The following OR10G3 variants were observed in gnomAD, a reference collection of about 807,000 sequenced individuals.
OR10G3 encodes olfactory receptor 10G3.
OR10G3 carries 8 observed loss-of-function variants against 13.4 expected under a neutral mutation model. The observed-to-expected ratio is 0.60, with a 90% CI of 0.35 to 1.08. The LOEUF is 1.08. Among genes scored for constraint, OR10G3 ranks in the 50% least tolerant of loss-of-function variants. OR10G3 has a pLI of 0.02. For synonymous variants in OR10G3, 142 were observed against 156.1 expected (o/e 0.91, Z 0.67); for missense variants, 393 against 386.6 (o/e 1.02, Z -0.14).
intron 1 of OR10G3, among the ~76,000 whole-genome samples, chr14:21,577,291 A>G (rs1876768146): frequency 6.6e-6 from 1 of 152,166 alleles, no homozygotes; most frequent in Non-Finnish European, 1.5e-5. Flanking sequence ...ACCTCCGGGG[A>G]CCAGAGTGAT....
intron 1 of OR10G3, among the ~76,000 whole-genome samples, chr14:21,576,443 C>A (rs1027374519): frequency 6.6e-6 from 1 of 152,144 alleles, no homozygotes; most frequent in South Asian, 2.1e-4. Flanking sequence ...GTGAACTACA[C>A]CTGGTAAATC....
At chr14:21,573,736 G>A in intron 1 of OR10G3, among the ~76,000 whole-genome samples, 1 of 151,536 alleles carries the variant, frequency 6.6e-6, no homozygotes, top group Non-Finnish European at 1.5e-5. Flanking sequence ...CTATTGAACA[G>A]CATGGTGACC....
In OR10G3 at chr14:21,569,292, T is replaced by A. The variant is rs1430759967; in HGVS notation, c.*511A>T. ...CTTATATTCTAGCCTCGCCGGCAGC[T>A]GATTAGGTTGCGCCTGCCCAGATTA... is the stretch of plus-strand genomic sequence containing the variant. On this transcript the variant is annotated 3_prime_UTR_variant, in exon 2 of 2. Coordinates refer to ENST00000641040, the MANE Select transcript of OR10G3 (RefSeq NM_001005465.2). 1 of 153,742 alleles carries A rather than the reference T, an allele frequency of 6.5e-6. No individual in the cohort carries two copies. The highest frequency in any genetic ancestry group is 1.4e-5 in the Non-Finnish European group (1 of 69,138). 9.5% of individuals were successfully genotyped at this position (153,742 alleles called of 1,614,324 possible).
intron 1 of OR10G3, among the ~76,000 whole-genome samples, chr14:21,577,296 A>G (rs1031261681): frequency 6.6e-6 from 1 of 152,176 alleles, no homozygotes; most frequent in Non-Finnish European, 1.5e-5. Flanking sequence ...CGGGGACCAG[A>G]GTGATAAAAA....
chr14:21,572,820 A>C (rs2139712019), intron 1 of OR10G3, among the ~76,000 whole-genome samples: 1 of 152,190 alleles, frequency 6.6e-6, no homozygotes, highest in African/African-American at 2.4e-5. Flanking sequence ...TGCTGTTTTG[A>C]TAACTATAAC....
intron 1 of OR10G3, among the ~76,000 whole-genome samples, chr14:21,578,027 G>C (rs945241770): frequency 2.0e-5 from 3 of 151,742 alleles, no homozygotes; most frequent in Non-Finnish European, 4.4e-5. Flanking sequence ...AAGCCTGAAG[G>C]CTTAGTAGTG....
At chr14:21,575,567 G>A (rs1312733720) in intron 1 of OR10G3, among the ~76,000 whole-genome samples, 1 of 151,192 alleles carries the variant, frequency 6.6e-6, no homozygotes, top group Non-Finnish European at 1.5e-5. Flanking sequence ...TTGTAGTAGA[G>A]ATGGGGTTTC....
chr14:21,576,629 T>C (rs1318588608), intron 1 of OR10G3, among the ~76,000 whole-genome samples: 3 of 152,234 alleles, frequency 2.0e-5, no homozygotes, highest in Non-Finnish European at 4.4e-5. Flanking sequence ...TCAACATTTT[T>C]CTAACTTTTT....
intron 1 of OR10G3, among the ~76,000 whole-genome samples, chr14:21,577,095 G>T (rs1207242817): frequency 6.6e-6 from 1 of 152,080 alleles, no homozygotes; most frequent in South Asian, 2.1e-4. Flanking sequence ...CTTAGTATTT[G>T]CCAGGTAACC....
rs571669087 is a variant in OR10G3, at chr14:21,575,224, G to A, written c.-17-4463C>T. ...AGCCTCCTAAGTAGCTGGGACTACAGGAGCCCGCCACCACACCCAGCTAAT... is the reference window on the plus strand; with the variant it reads ...AGCCTCCTAAGTAGCTGGGACTACAAGAGCCCGCCACCACACCCAGCTAAT... On this transcript the variant is annotated intron_variant, in intron 1 of 1. Coordinates refer to ENST00000641040, the MANE Select transcript of OR10G3 (RefSeq NM_001005465.2). 2.6e-5 allele frequency among the ~76,000 whole-genome samples: 4 copies of A among 152,014 alleles called. No homozygotes were observed. The East Asian group carries it at 7.7e-4, about 29-fold the overall frequency.
chr14:21,570,663 A>G lies in OR10G3; in HGVS notation c.82T>C (p.Phe28Leu), dbSNP rs1372756073. ...PYPLRLRTLF[F>L]VFFFLIYILT... The stretch of plus-strand genomic sequence containing the variant: ...ATGTAGATTAGAAAAAAGAACACAA[A>G]AAAGAGTGTCCTTAGCCTGAGTGGA... The change falls in exon 2 of 2, where the codon TTT (phenylalanine) becomes CTT (leucine). Residue 28 changes from phenylalanine to leucine, a missense_variant. By Grantham distance (22) the Phe-to-Leu change is conservative (BLOSUM62 0). Coordinates refer to ENST00000641040, the MANE Select transcript of OR10G3 (RefSeq NM_001005465.2). 6.2e-7 allele frequency: 1 copy of G among 1,611,284 alleles called. No individual in the cohort carries two copies.
intron 1 of OR10G3, among the ~76,000 whole-genome samples, chr14:21,579,572 A>T (rs1284120643): frequency 6.6e-6 from 1 of 152,250 alleles, no homozygotes; most frequent in Non-Finnish European, 1.5e-5. Context: ...AAAAAGGCTA[A>T]ATGGTAGTTA....
intron 1 of OR10G3, among the ~76,000 whole-genome samples, chr14:21,578,078 A>C (rs933270700): frequency 4.0e-5 from 6 of 151,860 alleles, no homozygotes; most frequent in Non-Finnish European, 7.4e-5. Flanking sequence ...TATATTGATT[A>C]AATGTGTTTT....
chr14:21,574,227 G>C (rs576117772), intron 1 of OR10G3, among the ~76,000 whole-genome samples: 1 of 148,752 alleles, frequency 6.7e-6, no homozygotes, highest in Non-Finnish European at 1.5e-5. Flanking sequence ...GGCATGTACC[G>C]GGGAGGCGGA....
In OR10G3 at chr14:21,570,553, A is replaced by G. The variant is rs1412165595; in HGVS notation, c.192T>C (p.Leu64=). Residue 64 remains leucine (L), a synonymous_variant, in exon 2 of 2, where the codon CTT becomes CTC. Coordinates refer to ENST00000641040, the MANE Select transcript of OR10G3 (RefSeq NM_001005465.2). ...TCATATCAATGACTGAGAGAACACC[A>G]AGAAAGATGTACATGGGGCGGGCAT... ...RLHARPMYIF[L]GVLSVIDMSI... 3 of 1,614,072 alleles carry G rather than the reference A, an allele frequency of 1.9e-6. No individual in the cohort carries two copies. The highest frequency in any genetic ancestry group is 2.5e-6 in the Non-Finnish European group (3 of 1,180,038).
chr14:21,571,104 A>G (rs1260488682), intron 1 of OR10G3, among the ~76,000 whole-genome samples: 3 of 152,210 alleles, frequency 2.0e-5, no homozygotes, highest in Non-Finnish European at 4.4e-5. Context: ...ACTTTTTCCA[A>G]TAACCTTTGG....
chr14:21,572,402 G>A (rs1031708990), intron 1 of OR10G3, among the ~76,000 whole-genome samples: 2 of 146,046 alleles, frequency 1.4e-5, no homozygotes, highest in East Asian at 4.2e-4. Context: ...TTCGAGACCA[G>A]TCTGGCCAAT....
chr14:21,572,872 C>T (rs74948775), intron 1 of OR10G3, among the ~76,000 whole-genome samples: 1 of 152,064 alleles, frequency 6.6e-6, no homozygotes, highest in South Asian at 2.1e-4. Flanking sequence ...ATGCCTGTGG[C>T]TTTTTCTGTG....
At chr14:21,577,118 A>G (rs961112371) in intron 1 of OR10G3, among the ~76,000 whole-genome samples, 3 of 152,020 alleles carry the variant, frequency 2.0e-5, no homozygotes, top group Admixed American at 6.6e-5. Flanking sequence ...CCTTCTGCAT[A>G]CTCTCTGGCT....
Sources: allele counts gnomAD v4.1 joint callset (sites outside exome capture counted in the v4.1 genomes callset), GRCh38; gene constraint gnomAD v4.1.1; transcripts MANE v1.5; gene names NCBI Gene and HGNC (gene_info 2026-07-23, HGNC 2026-07-21).